The following DOK6 variants were observed in gnomAD, a reference collection of about 807,000 sequenced individuals.
DOK6 encodes the protein docking protein 6.
A neutral mutation model predicts 44.0 loss-of-function variants in DOK6; 22 were observed. The observed-to-expected ratio is 0.50, with a 90% CI of 0.36 to 0.71. The LOEUF (loss-of-function observed/expected upper bound fraction) is 0.71, where lower values mean the gene tolerates loss of function less well. Among genes scored for constraint, DOK6 ranks in the 30% least tolerant of loss-of-function variants. The pLI, the probability that DOK6 is intolerant of heterozygous loss-of-function variation, is 0.00. For synonymous variants in DOK6, 166 were observed against 145.5 expected (o/e 1.14, Z -1.01); for missense variants, 340 against 416.4 (o/e 0.82, Z 1.60).
At position 69,677,839 on chromosome 18, in the gene DOK6, A is replaced by C; in HGVS notation, c.395A>C (p.Gln132Pro). Residue 132 changes from glutamine (Q) to proline (P), a missense_variant, in exon 4 of 8, where the codon CAG (glutamine) becomes CCG (proline). By Grantham distance (76) the Gln-to-Pro change is moderately conservative (BLOSUM62 -1). Around this residue, in one of 3 missense-constraint regions of DOK6, gnomAD observed 206 missense variants for 258.6 expected, o/e 0.80. Coordinates refer to ENST00000382713, the MANE Select transcript of DOK6 (RefSeq NM_152721.6). ...CCCGACCTTCTGGCCGCAGGAGTGC[A>C]GCGGGAACAGAATGGTAGGTGTGAG... Reference protein sequence around the residue: ...GEPDLLAAGVQREQNERFNVY... With the variant: ...GEPDLLAAGVPREQNERFNVY... 1 of 1,613,568 alleles carries C rather than the reference A, an allele frequency of 6.2e-7. No homozygotes were observed. The highest frequency in any genetic ancestry group is 1.1e-5 in the South Asian group (1 of 91,058).
chr18:69,638,488 CT>C (rs5825959), intron 3 of DOK6, among the ~76,000 whole-genome samples: 10 of 148,976 alleles, frequency 6.7e-5, no homozygotes, highest in African/African-American at 2.5e-4. Flanking sequence ...TATACTTATT[CT>C]TTTTTTTTTT....
chr18:69,409,226 A>C (rs934356179), intron 1 of DOK6, among the ~76,000 whole-genome samples: 1 of 152,208 alleles, frequency 6.6e-6, no homozygotes, highest in Non-Finnish European at 1.5e-5. Flanking sequence ...AGGCCTCCCT[A>C]GCCATGCAGA....
chr18:69,420,367 G>A (rs1204900145), intron 1 of DOK6, among the ~76,000 whole-genome samples: 1 of 152,016 alleles, frequency 6.6e-6, no homozygotes, highest in East Asian at 1.9e-4. Flanking sequence ...CAAGTGAAAT[G>A]TTCTATTAGG....
intron 5 of DOK6, among the ~76,000 whole-genome samples, chr18:69,716,201 G>T (rs953687726): frequency 1.6e-5 from 2 of 126,734 alleles, no homozygotes; most frequent in African/African-American, 5.1e-5. Flanking sequence ...ATAAAGCAGG[G>T]CCACAGTGAG....
At position 69,430,905 on chromosome 18, in the gene DOK6, G is replaced by C. The variant is rs1193265576; in HGVS notation, c.66+29595G>C. ...CACTTGAACCCGGGAGACGGAGGTT[G>C]CAGTGAGCTGAGATTGCGCCACTGC... On this transcript the variant is annotated intron_variant, in intron 1 of 7. Transcript: ENST00000382713. 2.0e-5 allele frequency among the ~76,000 whole-genome samples: 3 copies of C among 152,322 alleles called. No individual in the cohort carries two copies. In the East Asian group the frequency reaches 5.8e-4, roughly 29 times the overall value.
At chr18:69,688,746 T>C (rs1986205531) in intron 4 of DOK6, among the ~76,000 whole-genome samples, 2 of 152,314 alleles carry the variant, frequency 1.3e-5, no homozygotes, top group African/African-American at 2.4e-5. Context: ...GGTCTCGAAC[T>C]CTTGACCTCA....
intron 2 of DOK6, among the ~76,000 whole-genome samples, chr18:69,579,517 C>T (rs959543426): frequency 6.6e-6 from 1 of 152,018 alleles, no homozygotes; most frequent in Non-Finnish European, 1.5e-5. Flanking sequence ...ATCTCCTAGT[C>T]CTAAAGCTGG....
At chr18:69,545,516 C>CAAAAA (rs397760145) in intron 1 of DOK6, among the ~76,000 whole-genome samples, 20 of 69,512 alleles carry the variant, frequency 2.9e-4, no homozygotes, top group South Asian at 5.4e-4. Flanking sequence ...AGTGAAATAC[C>CAAAAA]AAAAAAAAAA....
At chr18:69,503,483 T>C (rs151312589) in intron 1 of DOK6, among the ~76,000 whole-genome samples, 302 of 152,232 alleles carry the variant, frequency 2.0e-3, no homozygotes, top group African/African-American at 6.7e-3. Context: ...ATTGTCATTG[T>C]CTGGTATATT....
rs1163670900 is a variant in DOK6 at position 69,843,158 on chromosome 18, G to A, written c.*1775G>A. 6.6e-6 allele frequency: 1 copy of A among 152,168 alleles called. No homozygotes were observed. Among genetic ancestry groups the A allele is most frequent in the African/African-American group, 2.4e-5 (1 of 41,438 alleles). The allele number at this position is 152,168 out of a possible 1,614,324, so 9.4% of individuals were successfully genotyped here. On this transcript the variant is annotated 3_prime_UTR_variant, in exon 8 of 8. Coordinates refer to ENST00000382713, the MANE Select transcript of DOK6 (RefSeq NM_152721.6). The stretch of plus-strand genomic sequence containing the variant: ...CCCCATCAAGATACTAATCGTAAGA[G>A]TTAATGTGGCTGCAAAAAATAATTA...
rs778476962 is a variant in DOK6, at chr18:69,505,362, G to T, written c.67-59125G>T. On this transcript the variant is annotated intron_variant, in intron 1 of 7. Transcript: ENST00000382713. ...CTAATTCCATTGACTTGTTTCCTGTGTGAAGCTCTGAACTGTAGAAGCCTT... is the reference window on the plus strand; with the variant it reads ...CTAATTCCATTGACTTGTTTCCTGTTTGAAGCTCTGAACTGTAGAAGCCTT... Among the ~76,000 whole-genome samples the T allele has an allele frequency of 2.0e-5, 3 of 152,040 alleles. No individual in the cohort carries two copies. The East Asian group carries it at 5.8e-4, about 29-fold the overall frequency.
intron 3 of DOK6, among the ~76,000 whole-genome samples, chr18:69,628,496 T>A (rs939687649): frequency 6.6e-6 from 1 of 151,764 alleles, no homozygotes; most frequent in Non-Finnish European, 1.5e-5. Flanking sequence ...TCTCAAAATA[T>A]ATATATATAT....
At chr18:69,825,146 G>T (rs1188116684) in intron 7 of DOK6, among the ~76,000 whole-genome samples, 1 of 152,100 alleles carries the variant, frequency 6.6e-6, no homozygotes, top group Non-Finnish European at 1.5e-5. Flanking sequence ...GAGGTATAGA[G>T]ACTTGTGTGC....
chr18:69,636,716 A>C (rs1984818459), intron 3 of DOK6, among the ~76,000 whole-genome samples: 1 of 151,822 alleles, frequency 6.6e-6, no homozygotes, highest in Admixed American at 6.6e-5. Context: ...TTACTGTATC[A>C]CTCCTTGCAA....
At chr18:69,568,098 A>T (rs1395877404) in intron 2 of DOK6, among the ~76,000 whole-genome samples, 1 of 152,182 alleles carries the variant, frequency 6.6e-6, no homozygotes, top group East Asian at 1.9e-4. Context: ...CTCTCTGGGC[A>T]CAAGCCCAAC....
intron 3 of DOK6, among the ~76,000 whole-genome samples, chr18:69,668,492 A>C (rs556579116): frequency 1.3e-5 from 2 of 152,214 alleles, no homozygotes; most frequent in Non-Finnish European, 2.9e-5. Context: ...TTACACCCTC[A>C]ATGATTGAGC....
intron 4 of DOK6, among the ~76,000 whole-genome samples, chr18:69,685,951 C>T (rs73469561): frequency 0.15 from 22,170 of 151,916 alleles, 1,717 homozygotes; most frequent in South Asian, 0.23. Context: ...TTTTGTTTCA[C>T]GCAAAATGTA....
chr18:69,497,745 C>T (rs1980933508), intron 1 of DOK6, among the ~76,000 whole-genome samples: 1 of 152,128 alleles, frequency 6.6e-6, no homozygotes, highest in Non-Finnish European at 1.5e-5. Context: ...TTAGGTCGCA[C>T]ATCAACTTTA....
At position 69,734,996 on chromosome 18, in the gene DOK6, C is replaced by T. The variant is rs563478957; in HGVS notation, c.600-3969C>T. Among the ~76,000 whole-genome samples the T allele has an allele frequency of 5.7e-3, 862 of 152,292 alleles. 5 individuals carry two copies. Among genetic ancestry groups the T allele is most frequent in the African/African-American group, 0.014 (575 of 41,556 alleles). ...ATATTTTCTCCAGAAAATTCCTCCA[C>T]GCACCATGTTAGGGCTGATTCTGCC... is the stretch of plus-strand genomic sequence containing the variant. On this transcript the variant is annotated intron_variant, in intron 5 of 7. Coordinates refer to ENST00000382713, the MANE Select transcript of DOK6 (RefSeq NM_152721.6).
Sources: allele counts gnomAD v4.1 joint callset (sites outside exome capture counted in the v4.1 genomes callset), GRCh38; gene constraint gnomAD v4.1.1; regional missense constraint gnomAD v4.1.1; transcripts MANE v1.5; gene names NCBI Gene and HGNC (gene_info 2026-07-23, HGNC 2026-07-21).